The following MRPS9 variants were observed in gnomAD, a reference collection of about 807,000 sequenced individuals.
The protein encoded by MRPS9 is mitochondrial ribosomal protein S9.
A neutral mutation model predicts 59.9 loss-of-function variants in MRPS9; 45 were observed. The observed-to-expected ratio is 0.75, with a 90% CI of 0.59 to 0.96. MRPS9 has a LOEUF of 0.96. Among genes scored for constraint, MRPS9 ranks in the 40% least tolerant of loss-of-function variants. The probability of loss-of-function intolerance (pLI) is 0.00; values close to 1 mark genes in which losing one functional copy is unlikely to be tolerated. For synonymous variants in MRPS9, 171 were observed against 166.8 expected (o/e 1.03, Z -0.19); for missense variants, 473 against 481.1 (o/e 0.98, Z 0.16).
At chr2:105,087,054 A>G (rs1680461798) in intron 5 of MRPS9, among the ~76,000 whole-genome samples, 1 of 152,206 alleles carries the variant, frequency 6.6e-6, no homozygotes, top group South Asian at 2.1e-4. Flanking sequence ...AAAGTGAGTT[A>G]AAGGTACCCT....
intron 5 of MRPS9, among the ~76,000 whole-genome samples, chr2:105,088,673 G>T (rs11895159): frequency 7.8e-4 from 119 of 151,642 alleles, no homozygotes; most frequent in African/African-American, 2.5e-3. Flanking sequence ...AAGGTTTTTG[G>T]TTTTTTTTAA....
chr2:105,097,309 G>A lies in MRPS9; in HGVS notation c.1084G>A (p.Glu362Lys), dbSNP rs150040776. The change falls in exon 10 of 11, where the codon GAG becomes AAG. Residue 362 changes from glutamate (E) to lysine (K), a missense_variant. Glu to Lys is a moderately conservative substitution (Grantham distance 56, BLOSUM62 1). Transcript: ENST00000258455. The part of the protein sequence containing the change: ...LCSFVTEDEV[E>K]WMRQAGLLTT... ...CAGCTTTGTCACCGAGGACGAGGTC[G>A]AGTGGATGAGACAAGGTATGAGTCT... The A allele has an allele frequency of 2.3e-5, 37 of 1,606,864 alleles. No individual in the cohort carries two copies. The African/African-American group carries it at 3.2e-4, about 14-fold the overall frequency.
chr2:105,049,415 C>A, intron 2 of MRPS9, 65 bp downstream of exon 2: 1 of 1,343,790 alleles, frequency 7.4e-7, no homozygotes, highest in Non-Finnish European at 1.0e-6. Flanking sequence ...AAGCACTTTT[C>A]TTCATGAGCC....
chr2:105,093,315 T>C (rs1265553146), intron 8 of MRPS9, among the ~76,000 whole-genome samples: 2 of 152,186 alleles, frequency 1.3e-5, no homozygotes, highest in East Asian at 3.8e-4. Flanking sequence ...TAAAATGGAA[T>C]TGAAGAACAA....
At chr2:105,069,087 T>A (rs929939583) in intron 2 of MRPS9, among the ~76,000 whole-genome samples, 49 of 152,204 alleles carry the variant, frequency 3.2e-4, no homozygotes, top group Non-Finnish European at 5.0e-4. Context: ...TCGCCAACAG[T>A]GTGCTGTCAG....
chr2:105,070,093 GT>G (rs941572430), intron 2 of MRPS9, among the ~76,000 whole-genome samples: 7 of 152,072 alleles, frequency 4.6e-5, no homozygotes, highest in African/African-American at 9.7e-5. Context: ...ACAAAAAAGA[GT>G]TTGCTAAAGG....
intron 1 of MRPS9, among the ~76,000 whole-genome samples, chr2:105,045,002 A>G (rs1679568390): frequency 6.6e-6 from 1 of 152,194 alleles, no homozygotes; most frequent in Admixed American, 6.5e-5. Context: ...AAAAAGCTAA[A>G]AATTCATAGT....
At chr2:105,092,875 A>C (rs1680589436) in intron 8 of MRPS9, among the ~76,000 whole-genome samples, 1 of 152,200 alleles carries the variant, frequency 6.6e-6, no homozygotes, top group South Asian at 2.1e-4. Flanking sequence ...TAAAATATTT[A>C]TAATAAAGTT....
intron 5 of MRPS9, among the ~76,000 whole-genome samples, chr2:105,087,800 T>TTTCCTTCCTTCC (rs59753300): frequency 0.011 from 1,515 of 138,670 alleles, 36 homozygotes; most frequent in East Asian, 0.052. Context: ...TCCTGCCTTT[T>TTTCCTTCCTTCC]TTCCTTCCTT....
intron 2 of MRPS9, among the ~76,000 whole-genome samples, chr2:105,053,108 A>G (rs903029252): frequency 6.6e-6 from 1 of 152,224 alleles, no homozygotes; most frequent in Non-Finnish European, 1.5e-5. Flanking sequence ...TATGTAGCTT[A>G]TTGAAAAAAG....
intron 2 of MRPS9, among the ~76,000 whole-genome samples, chr2:105,069,232 T>C (rs998436743): frequency 6.8e-5 from 8 of 117,196 alleles, no homozygotes; most frequent in South Asian, 2.8e-4. Flanking sequence ...TTTTTTTTTT[T>C]GAGACAGAGT....
At chr2:105,092,256 A>T (rs1680573388) in intron 7 of MRPS9, 145 bp from the exon 8 acceptor site, 2 of 588,330 alleles carry the variant, frequency 3.4e-6, no homozygotes, top group Admixed American at 7.4e-5. Flanking sequence ...TGCTGTTTTA[A>T]AAGCAGCGTG....
At chr2:105,087,614 C>T (rs1490188488) in intron 5 of MRPS9, among the ~76,000 whole-genome samples, 1 of 152,088 alleles carries the variant, frequency 6.6e-6, no homozygotes, top group South Asian at 2.1e-4. Context: ...AATTCTACTA[C>T]GCTTAATGAA....
At chr2:105,093,470 A>T in intron 8 of MRPS9, 60 bp from the exon 9 acceptor site, 1 of 944,354 alleles carries the variant, frequency 1.1e-6, no homozygotes, top group Non-Finnish European at 1.6e-6. Flanking sequence ...ATGTAGTTTT[A>T]CCTGTCTCAA....
chr2:105,075,581 A>C (rs1680192869), intron 4 of MRPS9, among the ~76,000 whole-genome samples: 1 of 152,228 alleles, frequency 6.6e-6, no homozygotes, highest in African/African-American at 2.4e-5. Context: ...TCAGAGGGTC[A>C]CACAATTATC....
intron 7 of MRPS9, among the ~76,000 whole-genome samples, chr2:105,090,490 T>TTGAAA (rs112443838): frequency 0.2 from 30,068 of 152,066 alleles, 3,059 homozygotes; most frequent in Middle Eastern, 0.34. Flanking sequence ...TCGGAATCCC[T>TTGAAA]TGAAATGCTG....
chr2:105,079,921 C>A (rs1680294657), intron 4 of MRPS9, 62 bp from the exon 5 acceptor site: 1 of 1,117,562 alleles, frequency 8.9e-7, no homozygotes, highest in Admixed American at 2.1e-5. Context: ...TGGTTAAATG[C>A]AGCTATTTGG....
rs769245532 is a variant in MRPS9 at position 105,038,144 on chromosome 2, C to T, written c.52C>T (p.Leu18Phe). The T allele has an allele frequency of 1.9e-6, 3 of 1,613,876 alleles. No individual in the cohort carries two copies. In the East Asian group the frequency reaches 6.7e-5, roughly 36 times the overall value. Residue 18 changes from leucine to phenylalanine, a missense_variant, in exon 1 of 11, where the codon CTC (leucine) becomes TTC (phenylalanine). Transcript: ENST00000258455. ...CGGAGCAGTTTCGTACCGGCTTCTT[C>T]TCTGGGGTAGGGGTAGCCTCGCCCG... ...YGGAVSYRLL[L>F]WGRGSLARKQ...
intron 6 of MRPS9, 65 bp downstream of exon 6, chr2:105,089,134 A>AT (rs2104466994): frequency 8.0e-7 from 1 of 1,252,590 alleles, no homozygotes. Context: ...ACTCATTGGT[A>AT]TTTTTTTAGA....
Sources: gnomAD v4.1 joint callset for allele counts (sites outside exome capture counted in the v4.1 genomes callset) on GRCh38, gnomAD v4.1.1 for gene constraint, MANE v1.5 for transcripts, NCBI Gene and HGNC (gene_info 2026-07-23, HGNC 2026-07-21) for gene names.